Variants in CDH13 observed in about 807,000 individuals in gnomAD.
The protein encoded by CDH13 is cadherin 13.
Under a neutral mutation model 63.8 loss-of-function variants are expected in CDH13, and 24 were observed. The ratio of observed to expected loss-of-function variants is 0.38; its 90% CI spans 0.27 to 0.53. The LOEUF (loss-of-function observed/expected upper bound fraction) is 0.53. CDH13 is among the 20% of genes least tolerant of loss of function. The pLI is 0.85. For synonymous variants in CDH13, 503 were observed against 355.3 expected (o/e 1.42, Z -4.67); for missense variants, 1,049 against 903.1 (o/e 1.16, Z -2.07).
chr16:83,081,693 GAGAGAGAGAGAGAA>G (rs921957160), intron 3 of CDH13, among the ~76,000 whole-genome samples: 1 of 152,086 alleles, frequency 6.6e-6, no homozygotes, highest in Non-Finnish European at 1.5e-5. Flanking sequence ...AGTAAAGAGA[GAGAGAGAGAGAGAA>G]AGAGAGAGAG....
chr16:83,794,143 G>C (rs1474711848), intron 13 of CDH13, among the ~76,000 whole-genome samples: 1 of 152,184 alleles, frequency 6.6e-6, no homozygotes, highest in African/African-American at 2.4e-5. Context: ...ACACTGATTT[G>C]AGCCCCATAA....
intron 3 of CDH13, among the ~76,000 whole-genome samples, chr16:83,082,728 T>C (rs1161436679): frequency 1.3e-5 from 2 of 152,170 alleles, no homozygotes; most frequent in Admixed American, 6.5e-5. Context: ...AAATTTCATT[T>C]ATAAGGTTAG....
chr16:83,683,896 A>G (rs1404914888), intron 10 of CDH13, among the ~76,000 whole-genome samples: 5 of 152,240 alleles, frequency 3.3e-5, no homozygotes, highest in Non-Finnish European at 5.9e-5. Context: ...AAGATCATGT[A>G]CATCAGGTTC....
intron 1 of CDH13, among the ~76,000 whole-genome samples, chr16:82,828,958 A>T (rs2038393330): frequency 6.6e-6 from 1 of 152,160 alleles, no homozygotes; most frequent in South Asian, 2.1e-4. Flanking sequence ...ATAAAGTTTC[A>T]TAGACCAGAG....
At chr16:83,760,694 A>C (rs954674113) in intron 11 of CDH13, among the ~76,000 whole-genome samples, 1 of 152,238 alleles carries the variant, frequency 6.6e-6, no homozygotes, top group South Asian at 2.1e-4. Flanking sequence ...TGGTAGTACT[A>C]GACTACATGG....
At position 83,033,044 on chromosome 16, in the gene CDH13, A is replaced by G. The variant is rs74842467; in HGVS notation, c.366+826A>G. ...ATGGTGCTGTATGTGTATATGTTGTACATGTATGTGTATACCATATACAGG... is the reference window on the plus strand; with the variant it reads ...ATGGTGCTGTATGTGTATATGTTGTGCATGTATGTGTATACCATATACAGG... On this transcript the variant is annotated intron_variant, in intron 3 of 13. Transcript: ENST00000567109. Among the ~76,000 whole-genome samples the G allele has an allele frequency of 2.3e-3, 345 of 152,330 alleles. 12 individuals are homozygous for G. The East Asian group carries it at 0.063, about 28-fold the overall frequency.
chr16:83,604,755 C>T lies in CDH13; in HGVS notation c.1101+2161C>T, dbSNP rs181672570. Among the ~76,000 whole-genome samples, 437 of 152,190 alleles carry T rather than the reference C, an allele frequency of 2.9e-3. 3 individuals are homozygous for T. The highest frequency in any genetic ancestry group is 8.1e-3 in the African/African-American group (336 of 41,524). ...ATTGTAATATTCAATATAAACTTAA[C>T]GATGGGAACAAAAATAGGATAACCC... On this transcript the variant is annotated intron_variant, in intron 8 of 13. Transcript: ENST00000567109.
At chr16:82,806,796 A>G (rs1184004723) in intron 1 of CDH13, among the ~76,000 whole-genome samples, 3 of 152,192 alleles carry the variant, frequency 2.0e-5, no homozygotes, top group African/African-American at 7.2e-5. Flanking sequence ...TAGCAGTGAA[A>G]TTTCAGATCC....
At chr16:82,828,799 A>C (rs1156366454) in intron 1 of CDH13, among the ~76,000 whole-genome samples, 1 of 152,120 alleles carries the variant, frequency 6.6e-6, no homozygotes, top group African/African-American at 2.4e-5. Context: ...TTATATAAGT[A>C]ATCTAGAAAT....
At chr16:82,674,900 G>A (rs573328460) in intron 1 of CDH13, among the ~76,000 whole-genome samples, 1 of 152,044 alleles carries the variant, frequency 6.6e-6, no homozygotes, top group Non-Finnish European at 1.5e-5. Flanking sequence ...ATTGTCTCTG[G>A]ATTCAAAAAG....
chr16:83,113,277 A>G (rs1290890821), intron 3 of CDH13, among the ~76,000 whole-genome samples: 1 of 152,222 alleles, frequency 6.6e-6, no homozygotes, highest in African/African-American at 2.4e-5. Flanking sequence ...TTTCTCTATT[A>G]AAGACAAAAT....
At chr16:83,635,624 G>C (rs1016666019) in intron 8 of CDH13, among the ~76,000 whole-genome samples, 4 of 152,190 alleles carry the variant, frequency 2.6e-5, no homozygotes, top group African/African-American at 9.6e-5. Context: ...TTACAGGTGT[G>C]AGCCACCACG....
intron 3 of CDH13, among the ~76,000 whole-genome samples, chr16:83,094,435 C>G (rs1314527936): frequency 6.6e-6 from 1 of 152,126 alleles, no homozygotes; most frequent in Non-Finnish European, 1.5e-5. Flanking sequence ...CTCAACTGAC[C>G]CTGCAGAGAG....
chr16:83,263,775 C>T (rs895399816), intron 5 of CDH13, among the ~76,000 whole-genome samples: 1 of 152,170 alleles, frequency 6.6e-6, no homozygotes, highest in Non-Finnish European at 1.5e-5. Context: ...GCCATGGCCT[C>T]AATCCCAGCC....
intron 1 of CDH13, among the ~76,000 whole-genome samples, chr16:82,633,299 A>G (rs1908248605): frequency 6.6e-6 from 1 of 152,220 alleles, no homozygotes; most frequent in Non-Finnish European, 1.5e-5. Flanking sequence ...CTCTACTTAG[A>G]CTTGCCAAGG....
intron 7 of CDH13, among the ~76,000 whole-genome samples, chr16:83,553,681 C>G (rs2075552125): frequency 6.6e-6 from 1 of 152,150 alleles, no homozygotes; most frequent in Non-Finnish European, 1.5e-5. Context: ...ATCAGCCTCC[C>G]AAGTAGTTGG....
At chr16:83,435,303 C>T (rs149751988) in intron 6 of CDH13, among the ~76,000 whole-genome samples, 10 of 152,246 alleles carry the variant, frequency 6.6e-5, no homozygotes, top group Admixed American at 5.9e-4. Context: ...CTCAGCCTCC[C>T]AAAGGGCTGG....
At chr16:83,404,939 T>C (rs1474696115) in intron 6 of CDH13, among the ~76,000 whole-genome samples, 1 of 152,176 alleles carries the variant, frequency 6.6e-6, no homozygotes, top group Non-Finnish European at 1.5e-5. Context: ...TTAGGTTGTG[T>C]TGATAACATA....
chr16:82,849,133 C>G (rs746295498), intron 1 of CDH13, among the ~76,000 whole-genome samples: 4 of 152,162 alleles, frequency 2.6e-5, no homozygotes, highest in Non-Finnish European at 5.9e-5. Flanking sequence ...GGTGAAGAAG[C>G]TGCAGGAGAA....
Sources: allele counts gnomAD v4.1 joint callset (sites outside exome capture counted in the v4.1 genomes callset), GRCh38; gene constraint gnomAD v4.1.1; transcripts MANE v1.5; gene names NCBI Gene and HGNC (gene_info 2026-07-23, HGNC 2026-07-21).